SBF2: variants seen among roughly 807,000 people sequenced by gnomAD.
SBF2 encodes the protein SET binding factor 2.
A neutral mutation model predicts 225.2 loss-of-function variants in SBF2; 112 were observed. That is an observed-to-expected ratio of 0.50 (90% CI 0.43 to 0.58). SBF2 has a LOEUF of 0.58. Among genes scored for constraint, SBF2 ranks in the 20% least tolerant of loss-of-function variants. The probability of loss-of-function intolerance (pLI) is 0.00; values close to 1 mark genes in which losing one functional copy is unlikely to be tolerated. For synonymous variants in SBF2, 763 were observed against 773.3 expected (o/e 0.99, Z 0.22); for missense variants, 1,996 against 2,206.2 (o/e 0.90, Z 1.91).
chr11:10,260,401 T>G (rs913043158), intron 1 of SBF2, among the ~76,000 whole-genome samples: 4 of 149,602 alleles, frequency 2.7e-5, no homozygotes, highest in South Asian at 4.3e-4. Context: ...CTGGGCAACA[T>G]AGTAAGACCC....
intron 35 of SBF2, 51 bp from the exon 36 acceptor site, chr11:9,787,789 GGGCCCCAAAGCCACACTGCTTCTGTACTA>G (rs1852472013): frequency 1.3e-6 from 2 of 1,494,708 alleles, no homozygotes; most frequent in Non-Finnish European, 1.9e-6. Context: ...AAATCAGGAT[GGGCCCCAAAGCCACACTGCTTCTGTACTA>G]GGCCCAGATG....
intron 2 of SBF2, among the ~76,000 whole-genome samples, chr11:10,085,975 A>G (rs1590924959): frequency 1.2e-5 from 1 of 86,228 alleles, no homozygotes; most frequent in East Asian, 4.2e-4. Flanking sequence ...CCCACCCCCC[A>G]CCCCAGGTAT....
Position 9,907,978 on chromosome 11 carries a change from T to C in SBF2, c.1861-11967A>G, listed in dbSNP as rs556941337. Among the ~76,000 whole-genome samples, 49 of 152,300 alleles carry C rather than the reference T, an allele frequency of 3.2e-4. No individual in the cohort carries two copies. The South Asian group carries it at 6.8e-3, about 21-fold the overall frequency. On this transcript the variant is annotated intron_variant, in intron 16 of 39. Coordinates refer to ENST00000256190, the MANE Select transcript of SBF2 (RefSeq NM_030962.4). ...GGCAGAGCCAGAATTTGAACCTGGA[T>C]AGTCTTACTCCAGTATTTGTGCTTG... is the stretch of plus-strand genomic sequence containing the variant.
intron 26 of SBF2, 66 bp downstream of exon 26, chr11:9,839,432 C>G: frequency 4.8e-6 from 7 of 1,466,582 alleles, no homozygotes; most frequent in Non-Finnish European, 6.7e-6. Flanking sequence ...TGCAAATGGC[C>G]TATTAAAGAT....
chr11:10,294,289 C>T (rs539512668), upstream of SBF2: 83 of 362,986 alleles, frequency 2.3e-4, no homozygotes, highest in Non-Finnish European at 3.6e-4. Context: ...GCCCCAAGCC[C>T]GGGCGGCGAG....
chr11:10,185,322 A>T (rs747027761), intron 2 of SBF2, among the ~76,000 whole-genome samples: 4 of 151,898 alleles, frequency 2.6e-5, no homozygotes, highest in Non-Finnish European at 4.4e-5. Flanking sequence ...TTTATTTTCA[A>T]TTTTTTTTGA....
intron 1 of SBF2, among the ~76,000 whole-genome samples, chr11:10,260,319 C>G (rs1961296222): frequency 6.6e-6 from 1 of 152,170 alleles, no homozygotes; most frequent in Admixed American, 6.5e-5. Flanking sequence ...CACAATGCCA[C>G]ACACCTGTAA....
intron 29 of SBF2, among the ~76,000 whole-genome samples, chr11:9,816,173 T>C (rs1014082551): frequency 2.6e-5 from 4 of 152,202 alleles, no homozygotes; most frequent in Admixed American, 2.6e-4. Context: ...ATTCAAGGAA[T>C]TGTTGTTGCT....
chr11:9,907,037 G>A (rs921118855), intron 16 of SBF2, among the ~76,000 whole-genome samples: 1 of 152,300 alleles, frequency 6.6e-6, no homozygotes, highest in South Asian at 2.1e-4. Flanking sequence ...ATGTGTTACA[G>A]AACTGACTTT....
chr11:9,933,556 A>G (rs961592701), intron 16 of SBF2, among the ~76,000 whole-genome samples: 1 of 152,236 alleles, frequency 6.6e-6, no homozygotes, highest in Non-Finnish European at 1.5e-5. Flanking sequence ...CTCCTGAATG[A>G]CTACTGGGTA....
At chr11:10,204,419 T>C (rs1184928819) in intron 1 of SBF2, among the ~76,000 whole-genome samples, 1 of 151,894 alleles carries the variant, frequency 6.6e-6, no homozygotes, top group Non-Finnish European at 1.5e-5. Flanking sequence ...GGCAGGCAGA[T>C]CACGAGGTCA....
intron 16 of SBF2, among the ~76,000 whole-genome samples, chr11:9,933,032 T>G (rs1419228259): frequency 7.1e-6 from 1 of 140,874 alleles, no homozygotes; most frequent in Non-Finnish European, 1.5e-5. Flanking sequence ...AAACAGACTT[T>G]AAACCAACAA....
intron 1 of SBF2, among the ~76,000 whole-genome samples, chr11:10,285,153 T>C (rs1320838390): frequency 6.6e-6 from 1 of 151,722 alleles, no homozygotes; most frequent in Non-Finnish European, 1.5e-5. Context: ...CTACAAAAAA[T>C]AAGAAAATTA....
chr11:9,836,819 A>C (rs1855760970), intron 26 of SBF2, among the ~76,000 whole-genome samples: 1 of 152,164 alleles, frequency 6.6e-6, no homozygotes, highest in African/African-American at 2.4e-5. Flanking sequence ...AATGTTTTTT[A>C]GTGCTACTGT....
chr11:10,093,322 C>A (rs1231783805), intron 2 of SBF2, among the ~76,000 whole-genome samples: 2 of 150,274 alleles, frequency 1.3e-5, no homozygotes, highest in Admixed American at 6.6e-5. Flanking sequence ...GCCTACAATT[C>A]ATAATTTTAG....
At chr11:10,190,788 C>A (rs1957135542) in intron 2 of SBF2, among the ~76,000 whole-genome samples, 1 of 152,114 alleles carries the variant, frequency 6.6e-6, no homozygotes, top group African/African-American at 2.4e-5. Context: ...AATAACACAG[C>A]CTTCTCTTAA....
Position 9,856,650 on chromosome 11 carries a change from C to G in SBF2, c.2171G>C (p.Trp724Ser). The G allele has an allele frequency of 6.2e-7, 1 of 1,614,152 alleles. No individual in the cohort carries two copies. The highest frequency in any genetic ancestry group is 8.5e-7 in the Non-Finnish European group (1 of 1,180,014). ...CTGAGTTGACTTGCTCAGGGTAGGC[C>G]AAAGGCGTAGTTGCTCAGCTGCCAG... ...MDLAAEQLRL[W>S]PTLSKSTQQE... Residue 724 changes from tryptophan (W) to serine (S), a missense_variant, in exon 19 of 40, where the codon TGG becomes TCG. By Grantham distance (177) the Trp-to-Ser change is radical. Transcript: ENST00000256190.
chr11:9,997,594 C>A (rs899069010), intron 9 of SBF2, among the ~76,000 whole-genome samples: 2 of 152,056 alleles, frequency 1.3e-5, no homozygotes, highest in Non-Finnish European at 2.9e-5. Flanking sequence ...CTGACTAACA[C>A]AGTGAAACCC....
intron 38 of SBF2, 102 bp from the exon 39 acceptor site, chr11:9,781,740 T>C (rs577067854): frequency 7.8e-7 from 1 of 1,275,152 alleles, no homozygotes; most frequent in East Asian, 2.3e-5. Context: ...CTTGGTTATA[T>C]ATGCTGAACT....
Sources: gnomAD v4.1 joint callset for allele counts (sites outside exome capture counted in the v4.1 genomes callset) on GRCh38, gnomAD v4.1.1 for gene constraint, MANE v1.5 for transcripts, NCBI Gene and HGNC (gene_info 2026-07-23, HGNC 2026-07-21) for gene names.